The following CSGALNACT1 variants were observed in gnomAD, a reference collection of about 807,000 sequenced individuals.
CSGALNACT1 encodes beta4GalNAcT-1.
In CSGALNACT1, 52 loss-of-function variants were observed where a neutral mutation model predicts 51.0. The observed-to-expected ratio is 1.02, with a 90% CI of 0.82 to 1.29. The LOEUF (loss-of-function observed/expected upper bound fraction) is 1.29, where lower values mean the gene tolerates loss of function less well. CSGALNACT1 is among the 50% of genes most tolerant of loss of function. CSGALNACT1 has a pLI of 0.00. For missense variants in CSGALNACT1, 935 were observed against 679.2 expected (o/e 1.38, Z -4.19); for synonymous variants, 341 against 254.4 (o/e 1.34, Z -3.24).
chr8:19,550,719 C>G (rs758273426), intron 3 of CSGALNACT1, among the ~76,000 whole-genome samples: 4 of 152,186 alleles, frequency 2.6e-5, no homozygotes, highest in Non-Finnish European at 4.4e-5. Flanking sequence ...GGGCAGGGGC[C>G]TTCAAATGTC....
intron 1 of CSGALNACT1, chr8:19,678,616 A>G (rs1158258910): frequency 6.6e-6 from 1 of 152,244 alleles, no homozygotes; most frequent in African/African-American, 2.4e-5. Flanking sequence ...CAATAAAGTC[A>G]TCACTGGTGG....
intron 5 of CSGALNACT1, among the ~76,000 whole-genome samples, chr8:19,453,626 C>T (rs531696763): frequency 4.9e-4 from 74 of 152,292 alleles, no homozygotes; most frequent in African/African-American, 1.8e-3. Context: ...GAACAACAGA[C>T]GTTGGCCAGG....
chr8:19,754,897 T>C (rs1478392965), intron 1 of CSGALNACT1, among the ~76,000 whole-genome samples: 2 of 152,154 alleles, frequency 1.3e-5, no homozygotes, highest in Non-Finnish European at 2.9e-5. Flanking sequence ...AATCAATAGG[T>C]AATAAAGTCT....
chr8:19,573,467 T>G (rs10091002), intron 3 of CSGALNACT1, among the ~76,000 whole-genome samples: 13,603 of 151,516 alleles, frequency 0.09, 1,996 homozygotes, highest in African/African-American at 0.31. Flanking sequence ...TTTTGGACAC[T>G]AAGTCTCACT....
At chr8:19,512,922 G>A (rs1182436578) in intron 3 of CSGALNACT1, among the ~76,000 whole-genome samples, 1 of 152,150 alleles carries the variant, frequency 6.6e-6, no homozygotes, top group Admixed American at 6.5e-5. Context: ...GACTATTACA[G>A]CACACGGGCC....
intron 5 of CSGALNACT1, among the ~76,000 whole-genome samples, chr8:19,442,057 G>A (rs543610750): frequency 6.6e-6 from 1 of 152,172 alleles, no homozygotes; most frequent in Non-Finnish European, 1.5e-5. Context: ...TCATTAAAAA[G>A]TCAGGAAACA....
intron 3 of CSGALNACT1, among the ~76,000 whole-genome samples, chr8:19,536,353 AC>A (rs1393657611): frequency 1.3e-5 from 2 of 151,796 alleles, no homozygotes; most frequent in Non-Finnish European, 2.9e-5. Flanking sequence ...GTTAAAAAAA[AC>A]AAATGCATCT....
chr8:19,663,328 G>A (rs552447884), intron 1 of CSGALNACT1, among the ~76,000 whole-genome samples: 16 of 152,152 alleles, frequency 1.1e-4, no homozygotes, highest in African/African-American at 2.9e-4. Context: ...ACAATACTAC[G>A]AAAACCCTGT....
chr8:19,509,726 A>G (rs2078092951), intron 3 of CSGALNACT1, among the ~76,000 whole-genome samples: 1 of 151,778 alleles, frequency 6.6e-6, no homozygotes, highest in Admixed American at 6.6e-5. Context: ...TACCTAAGCC[A>G]CAAAATCTCT....
At chr8:19,424,927 T>C (rs2058541186) in intron 6 of CSGALNACT1, among the ~76,000 whole-genome samples, 1 of 152,190 alleles carries the variant, frequency 6.6e-6, no homozygotes, top group Non-Finnish European at 1.5e-5. Context: ...TCTGTCCTGC[T>C]TCCCCCCTTC....
chr8:19,495,453 T>C (rs914214644), intron 4 of CSGALNACT1, among the ~76,000 whole-genome samples: 6 of 152,220 alleles, frequency 3.9e-5, no homozygotes, highest in East Asian at 1.9e-4. Context: ...GCTGTATGCA[T>C]TGATCCAGGG....
exon 4 of CSGALNACT1, chr8:19,505,992 TAACCACCAC>T (rs2077265929): frequency 5.1e-6 from 4 of 783,868 alleles, no homozygotes; most frequent in Non-Finnish European, 8.7e-6. Context: ...CTCTTGGAGT[TAACCACCAC>T]ACAGAGCAGC....
At chr8:19,567,800 G>A (rs978694356) in intron 3 of CSGALNACT1, among the ~76,000 whole-genome samples, 2 of 152,100 alleles carry the variant, frequency 1.3e-5, no homozygotes, top group Admixed American at 6.5e-5. Flanking sequence ...TAACAACGTT[G>A]TTAGATGTAA....
chr8:19,689,978 T>C (rs149046021), intron 1 of CSGALNACT1, among the ~76,000 whole-genome samples: 2 of 152,356 alleles, frequency 1.3e-5, no homozygotes, highest in Non-Finnish European at 2.9e-5. Context: ...CATCTTTAGA[T>C]GAAATGATGC....
At chr8:19,496,210 G>T (rs7827143) in intron 4 of CSGALNACT1, among the ~76,000 whole-genome samples, 6,028 of 152,216 alleles carry the variant, frequency 0.04, 397 homozygotes, top group African/African-American at 0.14. Flanking sequence ...CAAAGAATAT[G>T]TATCTGGTAA....
intron 3 of CSGALNACT1, among the ~76,000 whole-genome samples, chr8:19,509,988 G>C (rs1370876027): frequency 6.6e-6 from 1 of 152,130 alleles, no homozygotes; most frequent in Non-Finnish European, 1.5e-5. Context: ...AGGGAGCAAG[G>C]AGTCCCTGTC....
intron 3 of CSGALNACT1, among the ~76,000 whole-genome samples, chr8:19,570,766 G>A (rs991059377): frequency 1.4e-4 from 21 of 152,146 alleles, no homozygotes; most frequent in African/African-American, 4.6e-4. Flanking sequence ...CAAGTGTGGT[G>A]GCAGGTGCCT....
chr8:19,747,658 G>C (rs1189868785), intron 1 of CSGALNACT1, among the ~76,000 whole-genome samples: 2 of 152,160 alleles, frequency 1.3e-5, no homozygotes, highest in Non-Finnish European at 2.9e-5. Flanking sequence ...TCAATTCACA[G>C]TCCACAAATT....
rs925031123 is a variant in CSGALNACT1 at position 19,731,545 on chromosome 8, C to T, written c.-297+26305G>A. On this transcript the variant is annotated intron_variant, in intron 1 of 1. Coordinates refer to the CSGALNACT1 transcript ENST00000517494. ...ATATGGCTGTTTACTGACACATCAT[C>T]TTACAAACTAACACCTGAGAAACTG... Among the ~76,000 whole-genome samples, 20 of 152,072 alleles carry T rather than the reference C, an allele frequency of 1.3e-4. 1 individual carries two copies. The highest frequency in any genetic ancestry group is 9.8e-4 in the Admixed American group (15 of 15,256).
Sources: allele counts gnomAD v4.1 joint callset (sites outside exome capture counted in the v4.1 genomes callset), GRCh38; gene constraint gnomAD v4.1.1; transcripts MANE v1.5; gene names NCBI Gene and HGNC (gene_info 2026-07-23, HGNC 2026-07-21).